Variants in SYBU observed in about 807,000 individuals in gnomAD.
The protein encoded by SYBU is syntabulin, also known as GOLSYN A protein.
A neutral mutation model predicts 35.9 loss-of-function variants in SYBU; 21 were observed. That is an observed-to-expected ratio of 0.58 (90% CI 0.41 to 0.84). The LOEUF (loss-of-function observed/expected upper bound fraction) is 0.84, where lower values mean the gene tolerates loss of function less well. SYBU is among the 40% of genes least tolerant of loss of function. The pLI, the probability that SYBU is intolerant of heterozygous loss-of-function variation, is 0.00. For synonymous variants in SYBU, 319 were observed against 324.3 expected (o/e 0.98, Z 0.18); for missense variants, 768 against 848.2 (o/e 0.91, Z 1.17).
intron 3 of SYBU, among the ~76,000 whole-genome samples, chr8:109,611,178 G>A (rs1264731347): frequency 1.3e-5 from 2 of 152,120 alleles, no homozygotes; most frequent in African/African-American, 2.4e-5. Flanking sequence ...GACCTATAAC[G>A]CTTCCTTCTC....
chr8:109,644,550 C>T, intron 1 of SYBU, 86 bp downstream of exon 1: 3 of 1,442,318 alleles, frequency 2.1e-6, no homozygotes, highest in East Asian at 5.1e-5. Flanking sequence ...TAAATGTCAC[C>T]CCTCCAGCTC....
At chr8:109,656,207 C>T (rs1816347846) in intron 1 of SYBU, among the ~76,000 whole-genome samples, 1 of 152,200 alleles carries the variant, frequency 6.6e-6, no homozygotes, top group African/African-American at 2.4e-5. Context: ...AAACTTCATA[C>T]TGCAAACCTG....
intron 1 of SYBU, among the ~76,000 whole-genome samples, chr8:109,662,479 G>A (rs1816598993): frequency 6.6e-6 from 1 of 152,066 alleles, no homozygotes; most frequent in African/African-American, 2.4e-5. Context: ...CTAGTCCCAT[G>A]GCCACTGCTC....
chr8:109,670,937 T>C (rs3133920), intron 1 of SYBU, among the ~76,000 whole-genome samples: 21,635 of 152,112 alleles, frequency 0.14, 1,767 homozygotes, highest in East Asian at 0.4. Flanking sequence ...TATGTGGACA[T>C]CAAAGGGAAC....
chr8:109,644,777 G>T lies in SYBU; in HGVS notation c.-118C>A. 1 of 1,057,068 alleles carries T rather than the reference G, an allele frequency of 9.5e-7. No homozygotes were observed. The highest frequency in any genetic ancestry group is 1.2e-6 in the Non-Finnish European group (1 of 802,128). 65.5% of individuals were successfully genotyped at this position (1,057,068 alleles called of 1,614,324 possible). A position where few individuals can be genotyped will look rare whatever the true frequency, so the allele number is the denominator to read the frequency against. On this transcript the variant is annotated 5_prime_UTR_variant, in exon 1 of 7. Coordinates refer to ENST00000276646, the MANE Select transcript of SYBU (RefSeq NM_001099754.2). Reference sequence around the variant, plus strand: ...GCGCGGGCTGCGGGCGGCGGCTCTTGGTGAGGCTCCAACGCGCCGCCGCCG... The same window carrying T: ...GCGCGGGCTGCGGGCGGCGGCTCTTTGTGAGGCTCCAACGCGCCGCCGCCG...
Position 109,576,027 on chromosome 8 carries a change from A to G in SYBU, c.885-14T>C. On this transcript the variant is annotated splice_polypyrimidine_tract_variant and intron_variant, in intron 6 of 6. Transcript: ENST00000276646. ...ATTTCACTTTCCCTAGAGTGCCAAG[A>G]CAAGCATGGTTAATTAAAAAAAAAA... 2 of 1,486,726 alleles carry G rather than the reference A, an allele frequency of 1.3e-6. No individual in the cohort carries two copies. The highest frequency in any genetic ancestry group is 1.8e-6 in the Non-Finnish European group (2 of 1,117,218). 92.1% of individuals were successfully genotyped at this position (1,486,726 alleles called of 1,614,324 possible).
At chr8:109,658,974 GCAA>G in intron 1 of SYBU, among the ~76,000 whole-genome samples, 1 of 151,652 alleles carries the variant, frequency 6.6e-6, no homozygotes. Flanking sequence ...AAGAAAGAAA[GCAA>G]CAACAACAAA....
chr8:109,645,356 G>A (rs1301319140), upstream of SYBU: 1 of 456,658 alleles, frequency 2.2e-6, no homozygotes, highest in East Asian at 7.0e-5. Flanking sequence ...GAAAGGCTGC[G>A]ATGGATTCTA....
chr8:109,592,860 G>A (rs1014736654), intron 3 of SYBU, among the ~76,000 whole-genome samples: 1 of 152,126 alleles, frequency 6.6e-6, no homozygotes, highest in Non-Finnish European at 1.5e-5. Context: ...TTAGCAAAAA[G>A]TTATTGAGCA....
At chr8:109,639,731 C>T (rs767252462) in intron 2 of SYBU, among the ~76,000 whole-genome samples, 2 of 152,202 alleles carry the variant, frequency 1.3e-5, no homozygotes, top group Non-Finnish European at 2.9e-5. Context: ...AACGAACACA[C>T]CTTCTGGCCT....
chr8:109,623,041 A>G (rs931093484), intron 2 of SYBU, among the ~76,000 whole-genome samples: 5 of 152,158 alleles, frequency 3.3e-5, no homozygotes, highest in African/African-American at 1.2e-4. Flanking sequence ...GCACACACAC[A>G]CACACACAAA....
rs141449394 is a variant in SYBU, at chr8:109,577,999, C to A, written c.753G>T (p.Met251Ile). Reference protein sequence around the residue: ...SPIMRRSGRYMSCGENHGVRP... With the variant: ...SPIMRRSGRYISCGENHGVRP... ...TGACACCATGATTTTCACCGCAAGA[C>A]ATGTACCTTCCAGAACGCCTGAAAC... The change falls in exon 6 of 7, where the codon ATG (methionine) becomes ATT (isoleucine). Residue 251 changes from methionine to isoleucine, a missense_variant. Met to Ile is a conservative substitution (Grantham distance 10). Coordinates refer to ENST00000276646, the MANE Select transcript of SYBU (RefSeq NM_001099754.2). The A allele has an allele frequency of 6.2e-7, 1 of 1,611,770 alleles. No individual in the cohort carries two copies. The highest frequency in any genetic ancestry group is 8.5e-7 in the Non-Finnish European group (1 of 1,179,216).
intron 1 of SYBU, chr8:109,643,146 GGCAC>G: frequency 8.0e-7 from 1 of 1,245,346 alleles, no homozygotes; most frequent in Non-Finnish European, 1.0e-6. Flanking sequence ...ATGTCTGTGT[GGCAC>G]ACACACACAC....
chr8:109,653,945 C>T (rs1216057338), intron 1 of SYBU, among the ~76,000 whole-genome samples: 2 of 152,122 alleles, frequency 1.3e-5, no homozygotes, highest in Admixed American at 6.5e-5. Flanking sequence ...ATTATCCTAT[C>T]AGTTAGTCTC....
chr8:109,586,225 T>G, intron 3 of SYBU, 63 bp from the exon 4 acceptor site: 217 of 1,128,762 alleles, frequency 1.9e-4, no homozygotes, highest in Non-Finnish European at 2.6e-4. Flanking sequence ...CATTGGCCAG[T>G]TCCCTGCCTT....
intron 2 of SYBU, among the ~76,000 whole-genome samples, chr8:109,630,665 C>G (rs6982034): frequency 0.29 from 43,584 of 152,106 alleles, 6,709 homozygotes; most frequent in East Asian, 0.41. Flanking sequence ...GTATATGGCA[C>G]TCATTTCTGA....
chr8:109,626,564 G>A (rs1813004004), intron 2 of SYBU, among the ~76,000 whole-genome samples: 2 of 152,162 alleles, frequency 1.3e-5, no homozygotes, highest in Non-Finnish European at 2.9e-5. Context: ...AAGTGTGCAT[G>A]TGCGTATCAT....
At chr8:109,599,528 G>A (rs1295639972) in intron 3 of SYBU, among the ~76,000 whole-genome samples, 1 of 152,090 alleles carries the variant, frequency 6.6e-6, no homozygotes, top group Non-Finnish European at 1.5e-5. Flanking sequence ...CAGTAATGTT[G>A]AGAAATCACT....
At chr8:109,592,451 A>G (rs2129865016) in intron 3 of SYBU, among the ~76,000 whole-genome samples, 1 of 152,264 alleles carries the variant, frequency 6.6e-6, no homozygotes, top group Admixed American at 6.5e-5. Flanking sequence ...AAATACTAGT[A>G]GGTTTACTGC....
Sources: gnomAD v4.1 joint callset for allele counts (sites outside exome capture counted in the v4.1 genomes callset) on GRCh38, gnomAD v4.1.1 for gene constraint, MANE v1.5 for transcripts, NCBI Gene and HGNC (gene_info 2026-07-23, HGNC 2026-07-21) for gene names.